Variants in USP4 observed in about 807,000 individuals in gnomAD.
The protein encoded by USP4 is ubiquitin specific peptidase 4.
Under a neutral mutation model 118.2 loss-of-function variants are expected in USP4, and 72 were observed. That is an observed-to-expected ratio of 0.61 (90% CI 0.50 to 0.74). The LOEUF (loss-of-function observed/expected upper bound fraction) is 0.74, where lower values mean the gene tolerates loss of function less well. USP4 is among the 30% of genes least tolerant of loss of function. USP4 has a pLI of 0.00. For missense variants in USP4, 1,037 were observed against 1,185.7 expected (o/e 0.87, Z 1.84); for synonymous variants, 415 against 440.4 (o/e 0.94, Z 0.72).
Position 49,324,762 on chromosome 3 carries a change from A to C in USP4, c.635T>G (p.Val212Gly). ...TTCATTTTGAGGCTCAATTACTAGC[A>C]CCTGAGTGAAAGGGGAAACCAAATG... Reference protein sequence around the residue: ...VQDAGLYQGQVLVIEPQNEDG... With the variant: ...VQDAGLYQGQGLVIEPQNEDG... The change falls in exon 6 of 22, where the codon GTG becomes GGG. Residue 212 changes from valine to glycine, a missense_variant and splice_region_variant. Coordinates refer to ENST00000265560, the MANE Select transcript of USP4 (RefSeq NM_003363.4). 1 of 1,614,172 alleles carries C rather than the reference A, an allele frequency of 6.2e-7. No homozygotes were observed. Among genetic ancestry groups the C allele is most frequent in the Non-Finnish European group, 8.5e-7 (1 of 1,180,006 alleles).
Position 49,302,405 on chromosome 3 carries a change from A to T in USP4, c.1266T>A (p.Asp422Glu). The T allele has an allele frequency of 1.9e-6, 3 of 1,613,816 alleles. No homozygotes were observed. In the South Asian group the frequency reaches 3.3e-5, roughly 18 times the overall value. Residue 422 changes from aspartate to glutamate, a missense_variant, in exon 10 of 22, where the codon GAT becomes GAA. Asp to Glu is a conservative substitution (Grantham distance 45). This residue lies in a region of USP4 where 487 missense variants were observed against 534.1 expected (regional missense o/e 0.91). Coordinates refer to ENST00000265560, the MANE Select transcript of USP4 (RefSeq NM_003363.4). The stretch of plus-strand genomic sequence containing the variant: ...ATACCGCATCTGGCCGCCCATTGGC[A>T]TCCTTCAGCTCCAAGTAGGGCTTTT... ...VKKKPYLELK[D>E]ANGRPDAVVA...
chr3:49,337,880 T>A (rs893159525), intron 1 of USP4, among the ~76,000 whole-genome samples: 2 of 151,500 alleles, frequency 1.3e-5, no homozygotes, highest in African/African-American at 4.8e-5. Context: ...ACCCTGTCTC[T>A]ACTAAAAATA....
In USP4 at chr3:49,300,474, G is replaced by A; in HGVS notation, c.1505C>T (p.Pro502Leu). ...FLVPADPHCR[P>L]TQYRVTVPLM... ...GGGTGTGGATTCTGTCACCTGAGTA[G>A]GTCTGCAGTGAGGGTCAGCAGGAAC... is the stretch of plus-strand genomic sequence containing the variant. Residue 502 changes from proline (P) to leucine (L), a missense_variant, in exon 11 of 22, where the codon CCT (proline) becomes CTT (leucine). Physicochemically the swap from Pro to Leu is moderately conservative, Grantham distance 98. Coordinates refer to ENST00000265560, the MANE Select transcript of USP4 (RefSeq NM_003363.4). The A allele has an allele frequency of 6.2e-7, 1 of 1,613,914 alleles. No individual in the cohort carries two copies.
chr3:49,336,807 C>A (rs1282990546), intron 1 of USP4, among the ~76,000 whole-genome samples: 2 of 151,590 alleles, frequency 1.3e-5, no homozygotes, highest in Admixed American at 1.3e-4. Context: ...CAGGCGTGAG[C>A]CACCGCACCC....
At chr3:49,317,602 C>T (rs538697554) in intron 6 of USP4, 32 of 587,366 alleles carry the variant, frequency 5.4e-5, no homozygotes, top group Non-Finnish European at 7.1e-5. Context: ...AGTGCAGTGG[C>T]GTGATATCGG....
intron 11 of USP4, among the ~76,000 whole-genome samples, chr3:49,299,537 C>T (rs555374494): frequency 1.2e-4 from 18 of 151,812 alleles, no homozygotes; most frequent in Non-Finnish European, 2.5e-4. Context: ...GGACTACAGG[C>T]GCCCGCCACC....
intron 6 of USP4, 105 bp downstream of exon 6, chr3:49,324,597 G>T: frequency 9.2e-7 from 1 of 1,082,540 alleles, no homozygotes; most frequent in Non-Finnish European, 1.4e-6. Flanking sequence ...AATAGGCATT[G>T]TTCATCTGAA....
chr3:49,295,906 C>T (rs2047203079), intron 13 of USP4, among the ~76,000 whole-genome samples: 1 of 152,080 alleles, frequency 6.6e-6, no homozygotes, highest in South Asian at 2.1e-4. Flanking sequence ...GTCCACATTG[C>T]CATTTTCTGG....
Position 49,324,995 on chromosome 3 carries a change from C to T in USP4, c.532G>A (p.Glu178Lys). 6.2e-7 allele frequency: 1 copy of T among 1,613,930 alleles called. No individual in the cohort carries two copies. Among genetic ancestry groups the T allele is most frequent in the South Asian group, 1.1e-5 (1 of 91,076 alleles). Residue 178 changes from glutamate (E) to lysine (K), a missense_variant, in exon 5 of 22, where the codon GAG (glutamate) becomes AAG (lysine). Physicochemically the swap from Glu to Lys is moderately conservative, Grantham distance 56. This residue lies in a region of USP4 where 487 missense variants were observed against 534.1 expected (regional missense o/e 0.91). Coordinates refer to ENST00000265560, the MANE Select transcript of USP4 (RefSeq NM_003363.4). ...TTGTTCCAGAGCCGTGTTTCACGCT[C>T]CGCAGGGATGTTGAATAGCTTCCGC... ...EMRKLFNIPA[E>K]RETRLWNKYM...
At chr3:49,281,272 C>A (rs1256008445) in intron 19 of USP4, among the ~76,000 whole-genome samples, 1 of 151,230 alleles carries the variant, frequency 6.6e-6, no homozygotes, top group Non-Finnish European at 1.5e-5. Flanking sequence ...CTGGCTAACA[C>A]GGTGAAACCC....
intron 7 of USP4, 152 bp downstream of exon 7, chr3:49,311,362 T>C (rs961593403): frequency 3.8e-6 from 3 of 784,366 alleles, no homozygotes; most frequent in African/African-American, 1.7e-5. Context: ...CACTTTACTG[T>C]AGGTATGAAA....
chr3:49,330,171 AAAAC>A lies in USP4; in HGVS notation c.230-2359_230-2356del, dbSNP rs112008342. On this transcript the variant is annotated intron_variant, in intron 2 of 21. Transcript: ENST00000265560. ...GGGCAACAGAGTGAGACTCTGTCTC[AAAAC>A]AAACAAACAAACAAACAAACAAACA... Among the ~76,000 whole-genome samples the A allele has an allele frequency of 6.7e-4, 99 of 148,544 alleles. 1 individual carries two copies. Among genetic ancestry groups the A allele is most frequent in the South Asian group, 3.9e-3 (18 of 4,638 alleles).
At chr3:49,327,640 C>T (rs2047570447) in intron 3 of USP4, 46 bp downstream of exon 3, 1 of 1,609,108 alleles carries the variant, frequency 6.2e-7, no homozygotes, top group Non-Finnish European at 8.5e-7. Flanking sequence ...CAACAGAAAG[C>T]ACCTGCAGAC....
rs569121406 is a variant in USP4 at position 49,304,732 on chromosome 3, G to T, written c.1128+983C>A. 1.2e-4 allele frequency among the ~76,000 whole-genome samples: 19 copies of T among 152,058 alleles called. No homozygotes were observed. In the South Asian group the frequency reaches 3.8e-3, roughly 30 times the overall value. Reference sequence around the variant, plus strand: ...GCCTCCCTGGTAGCCGGGACTACAGGTACATCACCATGTCCAGCTAATTTT... The same window carrying T: ...GCCTCCCTGGTAGCCGGGACTACAGTTACATCACCATGTCCAGCTAATTTT... On this transcript the variant is annotated intron_variant, in intron 9 of 21. Coordinates refer to ENST00000265560, the MANE Select transcript of USP4 (RefSeq NM_003363.4).
chr3:49,313,974 TG>T (rs1415779555), intron 6 of USP4: 1 of 152,166 alleles, frequency 6.6e-6, no homozygotes, highest in East Asian at 1.9e-4. Context: ...CCCAAAGGGC[TG>T]GGATTACATA....
chr3:49,286,572 C>T (rs565975850), intron 15 of USP4, among the ~76,000 whole-genome samples: 3 of 152,224 alleles, frequency 2.0e-5, no homozygotes, highest in African/African-American at 7.2e-5. Context: ...GAGCCACCTG[C>T]AGGCACAATG....
At chr3:49,323,192 C>G (rs1329069897) in intron 6 of USP4, among the ~76,000 whole-genome samples, 1 of 150,206 alleles carries the variant, frequency 6.7e-6, no homozygotes, top group Non-Finnish European at 1.5e-5. Flanking sequence ...GTCTCAAACT[C>G]TCAACCTCAG....
rs13081357 is a variant in USP4, at chr3:49,282,337, C to T, written c.2541-1490G>A. Among the ~76,000 whole-genome samples, 228 of 152,016 alleles carry T rather than the reference C, an allele frequency of 1.5e-3. 1 individual carries two copies. The highest frequency in any genetic ancestry group is 2.5e-3 in the Non-Finnish European group (170 of 67,982). Reference sequence around the variant, plus strand: ...TCGTCCGGGCTGGAGTGCAGTGGCGCGATCTTGACTCACTGCAACCTCTGC... The same window carrying T: ...TCGTCCGGGCTGGAGTGCAGTGGCGTGATCTTGACTCACTGCAACCTCTGC... On this transcript the variant is annotated intron_variant, in intron 19 of 21. Transcript: ENST00000265560.
At chr3:49,310,217 G>A (rs531728938) in intron 8 of USP4, among the ~76,000 whole-genome samples, 2 of 152,170 alleles carry the variant, frequency 1.3e-5, no homozygotes, top group East Asian at 1.9e-4. Flanking sequence ...GAGCCACTGC[G>A]CCCGGCTGGG....
Sources: allele counts gnomAD v4.1 joint callset (sites outside exome capture counted in the v4.1 genomes callset), GRCh38; gene constraint gnomAD v4.1.1; regional missense constraint gnomAD v4.1.1; transcripts MANE v1.5; gene names NCBI Gene and HGNC (gene_info 2026-07-23, HGNC 2026-07-21).